The following ITGA9 variants were observed in gnomAD, a reference collection of about 807,000 sequenced individuals.
ITGA9 encodes the protein integrin alpha-9.
Under a neutral mutation model 127.8 loss-of-function variants are expected in ITGA9, and 56 were observed. The observed-to-expected ratio is 0.44, with a 90% CI of 0.35 to 0.55. The LOEUF is 0.55. ITGA9 is among the 20% of genes least tolerant of loss of function. The probability of loss-of-function intolerance (pLI) is 0.00; values close to 1 mark genes in which losing one functional copy is unlikely to be tolerated. For missense variants in ITGA9, 1,196 were observed against 1,347.1 expected (o/e 0.89, Z 1.76); for synonymous variants, 508 against 514.5 (o/e 0.99, Z 0.17).
chr3:37,627,686 C>G (rs1370327534), intron 15 of ITGA9, among the ~76,000 whole-genome samples: 1 of 152,172 alleles, frequency 6.6e-6, no homozygotes, highest in African/African-American at 2.4e-5. Flanking sequence ...TGGGTGAATG[C>G]TGCTACAGTT....
At chr3:37,480,665 GA>G (rs1429546365) in intron 3 of ITGA9, among the ~76,000 whole-genome samples, 65 of 152,306 alleles carry the variant, frequency 4.3e-4, no homozygotes, top group African/African-American at 1.5e-3. Context: ...TAGTTAATGA[GA>G]TGCATGCTGA....
intron 15 of ITGA9, chr3:37,585,589 T>C: frequency 2.0e-6 from 1 of 512,734 alleles, no homozygotes; most frequent in Non-Finnish European, 3.9e-6. Context: ...ATGGGGGTTT[T>C]ATCTCCCAGA....
intron 18 of ITGA9, among the ~76,000 whole-genome samples, chr3:37,707,712 C>T (rs1701022703): frequency 6.6e-6 from 1 of 152,208 alleles, no homozygotes. Flanking sequence ...AAAATCCATG[C>T]TACTGTTCTG....
At chr3:37,807,860 G>T (rs1697317504) in intron 27 of ITGA9, 1 of 152,292 alleles carries the variant, frequency 6.6e-6, no homozygotes, top group South Asian at 2.1e-4. Context: ...GAGAAAAAAA[G>T]AATAGCTGTC....
chr3:37,802,390 T>C (rs1452303540), intron 26 of ITGA9, among the ~76,000 whole-genome samples: 1 of 152,172 alleles, frequency 6.6e-6, no homozygotes, highest in East Asian at 1.9e-4. Context: ...GCTTCAGCGA[T>C]CAGTGAGGCT....
chr3:37,798,398 T>A (rs577645013), intron 26 of ITGA9, among the ~76,000 whole-genome samples: 17 of 152,370 alleles, frequency 1.1e-4, no homozygotes, highest in Admixed American at 9.1e-4. Flanking sequence ...CCTTTCAGTG[T>A]CATACTGGAG....
intron 15 of ITGA9, among the ~76,000 whole-genome samples, chr3:37,628,259 C>T (rs995492742): frequency 1.3e-5 from 2 of 152,134 alleles, no homozygotes; most frequent in Admixed American, 1.3e-4. Flanking sequence ...CTTGGAGCAG[C>T]CCACACGCAC....
In ITGA9 at chr3:37,803,719, A is replaced by G. The variant is rs1057252705; in HGVS notation, c.2890-104A>G. 3.0e-6 allele frequency: 4 copies of G among 1,344,862 alleles called. No individual in the cohort carries two copies. The African/African-American group carries it at 5.8e-5, about 19-fold the overall frequency. 83.3% of individuals were successfully genotyped at this position (1,344,862 alleles called of 1,614,324 possible). A position where few individuals can be genotyped will look rare whatever the true frequency, so the allele number is the denominator to read the frequency against. On this transcript the variant is annotated intron_variant, in intron 26 of 27. Coordinates refer to ENST00000264741, the MANE Select transcript of ITGA9 (RefSeq NM_002207.3). ...AACCCAGGAGGTAGAGGTTGCAGTG[A>G]GCCGAGATTGTGCCATTGCACTCCA...
intron 15 of ITGA9, among the ~76,000 whole-genome samples, chr3:37,620,638 T>G (rs1475154103): frequency 6.6e-6 from 1 of 152,170 alleles, no homozygotes; most frequent in Non-Finnish European, 1.5e-5. Flanking sequence ...CTGGCTGACA[T>G]CAAAGTTGTC....
chr3:37,509,405 GT>G (rs1018212740), intron 8 of ITGA9, among the ~76,000 whole-genome samples: 1 of 152,062 alleles, frequency 6.6e-6, no homozygotes, highest in African/African-American at 2.4e-5. Context: ...AGGGACACAA[GT>G]TTAGGCTGGG....
chr3:37,805,832 T>TC (rs1697288706), intron 27 of ITGA9: 1 of 151,618 alleles, frequency 6.6e-6, no homozygotes, highest in South Asian at 2.1e-4. Flanking sequence ...CCAGCTATTT[T>TC]TTTTTTTTTT....
chr3:37,577,954 G>T (rs1209382356), intron 15 of ITGA9, among the ~76,000 whole-genome samples: 1 of 152,132 alleles, frequency 6.6e-6, no homozygotes, highest in South Asian at 2.1e-4. Flanking sequence ...AAAAATCTGG[G>T]ATTCTTTTTC....
At chr3:37,616,185 A>C (rs1430401500) in intron 15 of ITGA9, among the ~76,000 whole-genome samples, 4 of 152,188 alleles carry the variant, frequency 2.6e-5, no homozygotes, top group Non-Finnish European at 4.4e-5. Context: ...CATTGGTTTC[A>C]AAGAACATCT....
At chr3:37,670,787 T>C (rs532962893) in intron 17 of ITGA9, among the ~76,000 whole-genome samples, 15 of 152,342 alleles carry the variant, frequency 9.8e-5, no homozygotes, top group African/African-American at 3.4e-4. Context: ...GGAGAAAAGA[T>C]TCAAAATCTA....
chr3:37,762,723 T>G (rs541383812), intron 23 of ITGA9, among the ~76,000 whole-genome samples: 24 of 152,320 alleles, frequency 1.6e-4, no homozygotes, highest in Admixed American at 2.6e-4. Context: ...AGAAATCTAT[T>G]TTGGGATAAA....
intron 16 of ITGA9, among the ~76,000 whole-genome samples, chr3:37,649,874 C>T (rs1269472336): frequency 6.6e-6 from 1 of 152,180 alleles, no homozygotes; most frequent in Non-Finnish European, 1.5e-5. Context: ...TCTTTTCCAA[C>T]CACAATGGAA....
intron 17 of ITGA9, among the ~76,000 whole-genome samples, chr3:37,662,261 G>A (rs1700543354): frequency 1.3e-5 from 2 of 152,124 alleles, no homozygotes; most frequent in South Asian, 4.2e-4. Flanking sequence ...AAATTAGCCA[G>A]GCGTGGCAGC....
intron 23 of ITGA9, among the ~76,000 whole-genome samples, chr3:37,759,173 T>TTTG (rs1199480527): frequency 3.3e-5 from 5 of 149,898 alleles, no homozygotes; most frequent in Non-Finnish European, 7.4e-5. Flanking sequence ...GGCTGCACAC[T>TTTG]CCAGGAAAAA....
intron 18 of ITGA9, among the ~76,000 whole-genome samples, chr3:37,688,882 G>A (rs1700804955): frequency 6.6e-6 from 1 of 152,006 alleles, no homozygotes. Flanking sequence ...CTGGGTGACT[G>A]GGTGGATGAG....
Sources: gnomAD v4.1 joint callset for allele counts (sites outside exome capture counted in the v4.1 genomes callset) on GRCh38, gnomAD v4.1.1 for gene constraint, MANE v1.5 for transcripts, NCBI Gene and HGNC (gene_info 2026-07-23, HGNC 2026-07-21) for gene names.